The following C15orf40 variants were observed in gnomAD, a reference collection of about 807,000 sequenced individuals.
The protein encoded by C15orf40 is chromosome 15 open reading frame 40, also known as UPF0235 protein C15orf40.
A neutral mutation model predicts 13.9 loss-of-function variants in C15orf40; 9 were observed. That is an observed-to-expected ratio of 0.65 (90% confidence interval 0.39 to 1.13). The LOEUF (loss-of-function observed/expected upper bound fraction) is 1.13. Ranked by LOEUF, C15orf40 falls within the 50% of genes most tolerant of loss-of-function variation. The probability of loss-of-function intolerance (pLI) is 0.01; values close to 1 mark genes in which losing one functional copy is unlikely to be tolerated. For synonymous variants in C15orf40, 95 were observed against 69.2 expected, an observed-to-expected ratio of 1.37 and a Z score of -1.85; for missense variants, 225 against 188.5, an observed-to-expected ratio of 1.19 and a Z score of -1.13.
chr15:82,989,682 C>T (rs1286507166), downstream of C15orf40, among the ~76,000 whole-genome samples: 1 of 152,036 alleles, frequency 6.6e-6, no homozygotes, highest in Non-Finnish European at 1.5e-5. Context: ...GTAAAGTGTA[C>T]CTAGTATAAT....
In C15orf40 at chr15:82,998,025, T is replaced by G. The variant is rs1596401548; in HGVS notation, c.*7572A>C. 8.6e-6 allele frequency: 1 copy of G among 116,412 alleles called. No homozygotes were observed. Among genetic ancestry groups the G allele is most frequent in the African/African-American group, 3.4e-5 (1 of 29,754 alleles). 7.2% of individuals were successfully genotyped at this position (116,412 alleles called of 1,614,324 possible). A position where few individuals can be genotyped will look rare whatever the true frequency, so the allele number is the denominator to read the frequency against. ...CAGGCGGGGGGCTGACCCCCCCACC[T>G]CCCTCCCGGACGGGGCGGCTGACCC... On this transcript the variant is annotated 3_prime_UTR_variant, in exon 4 of 4. Coordinates refer to ENST00000304177, the MANE Select transcript of C15orf40 (RefSeq NM_144597.3).
At chr15:82,990,931 T>C (rs1301698278), downstream of C15orf40, 2 of 316,756 alleles carry the variant, frequency 6.3e-6, no homozygotes, top group African/African-American at 4.2e-5. Context: ...CTGCTTTCTC[T>C]CCTATAAATA....
chr15:82,990,223 G>A (rs1446531747), downstream of C15orf40: 4 of 316,196 alleles, frequency 1.3e-5, no homozygotes, highest in Non-Finnish European at 2.1e-5. Context: ...TCTTACTTGC[G>A]AAATGCGATG....
chr15:83,008,455 G>T (rs758938273), intron 3 of C15orf40, 93 bp downstream of exon 3: 48 of 1,309,280 alleles, frequency 3.7e-5, no homozygotes, highest in Non-Finnish European at 5.1e-5. Flanking sequence ...GGAGGTGGAG[G>T]TTGCAGTGAG....
In C15orf40 at chr15:82,997,114, CCTT is replaced by C. The variant is rs1355808352; in HGVS notation, c.*8480_*8482del. On this transcript the variant is annotated 3_prime_UTR_variant, in exon 4 of 4. Coordinates refer to ENST00000304177, the MANE Select transcript of C15orf40 (RefSeq NM_144597.3). Reference sequence around the variant, plus strand: ...TCTTTATTCACTGTTCTCTATCTTGCCTTCTAAATTTCATACCGTTTTCAGCCT... The same window carrying C: ...TCTTTATTCACTGTTCTCTATCTTGCCTAAATTTCATACCGTTTTCAGCCT... 2.0e-5 allele frequency: 3 copies of C among 149,992 alleles called. No individual in the cohort carries two copies. Among genetic ancestry groups the C allele is most frequent in the Non-Finnish European group, 3.0e-5 (2 of 67,576 alleles). 9.3% of individuals were successfully genotyped at this position (149,992 alleles called of 1,614,324 possible). A position where few individuals can be genotyped will look rare whatever the true frequency, so the allele number is the denominator to read the frequency against.
At chr15:82,990,913 T>C (rs1240869826), downstream of C15orf40, 3 of 365,948 alleles carry the variant, frequency 8.2e-6, no homozygotes, top group South Asian at 1.5e-4. Flanking sequence ...TCCAGATGCA[T>C]ACCTCTGCTG....
chr15:83,011,540 AGCCGAGCGGAGCCCCGAGTATTGGGTGTT>A lies in C15orf40; in HGVS notation c.39_67del (p.Thr14SerfsTer7). The A allele has an allele frequency of 6.2e-7, 1 of 1,605,980 alleles. No homozygotes were observed. Among genetic ancestry groups the A allele is most frequent in the Non-Finnish European group, 8.5e-7 (1 of 1,178,208 alleles). On this transcript the variant is annotated frameshift_variant, in exon 1 of 4. Transcript: ENST00000304177. LOFTEE classifies it high-confidence loss of function. The stretch of plus-strand genomic sequence containing the variant: ...CTTCTTAGGCATCTCGGCGCAAAGA[AGCCGAGCGGAGCCCCGAGTATTGGGTGTT>A]GCCCGAAGGTGCCTCAGCCCGCTGC...
chr15:83,001,170 A>T lies in C15orf40; in HGVS notation c.*4427T>A. ...TCTGGTTATTGCTGTCCCTCCCCTAACCGAGAGGAAAGTGTGGAATGGCTC... is the reference window on the plus strand; with the variant it reads ...TCTGGTTATTGCTGTCCCTCCCCTATCCGAGAGGAAAGTGTGGAATGGCTC... On this transcript the variant is annotated 3_prime_UTR_variant, in exon 4 of 4. Transcript: ENST00000304177. 1.0e-6 allele frequency: 1 copy of T among 985,388 alleles called. No individual in the cohort carries two copies. Among genetic ancestry groups the T allele is most frequent in the Non-Finnish European group, 1.2e-6 (1 of 829,942 alleles). 61.0% of individuals were successfully genotyped at this position (985,388 alleles called of 1,614,324 possible). A position where few individuals can be genotyped will look rare whatever the true frequency, so the allele number is the denominator to read the frequency against.
In C15orf40 at chr15:83,005,468, G is replaced by A; in HGVS notation, c.*129C>T. On this transcript the variant is annotated 3_prime_UTR_variant, in exon 4 of 4. Transcript: ENST00000304177. ...TCTGGCTAATTTTGTATTTTTCGTA[G>A]AGATGGGGTTTCACCATGTTGGTCA... 1.2e-6 allele frequency: 1 copy of A among 844,296 alleles called. No individual in the cohort carries two copies. The highest frequency in any genetic ancestry group is 1.7e-6 in the Non-Finnish European group (1 of 596,054). 52.3% of individuals were successfully genotyped at this position (844,296 alleles called of 1,614,324 possible). A position where few individuals can be genotyped will look rare whatever the true frequency, so the allele number is the denominator to read the frequency against.
In C15orf40 at chr15:83,008,690, G is replaced by A; in HGVS notation, c.239-15C>T. ...TGCTGTCAAATCTGGAATGAAAATA[G>A]TGTGGACTTTATCCTTAAGGAGTTC... On this transcript the variant is annotated splice_polypyrimidine_tract_variant and intron_variant, in intron 2 of 3. Transcript: ENST00000304177. 6.3e-7 allele frequency: 1 copy of A among 1,591,348 alleles called. No homozygotes were observed. Among genetic ancestry groups the A allele is most frequent in the East Asian group, 2.2e-5 (1 of 44,662 alleles).
In C15orf40 at chr15:83,010,323, G is replaced by C. The variant is rs756993991; in HGVS notation, c.152C>G (p.Pro51Arg). The C allele has an allele frequency of 1.2e-6, 2 of 1,614,164 alleles. No homozygotes were observed. The highest frequency in any genetic ancestry group is 8.5e-7 in the Non-Finnish European group (1 of 1,180,022). ...QSKEPERPLP[P>R]LGPVAVDPKG... is the part of the protein sequence containing the mutation. ...AGGATCAACTGCCACAGGACCTAAG[G>C]GAGGAAGTGGTCTCTCTGGTTCCTT... The change falls in exon 2 of 4, where the codon CCC becomes CGC. Residue 51 changes from proline (P) to arginine (R), a missense_variant. Coordinates refer to ENST00000304177, the MANE Select transcript of C15orf40 (RefSeq NM_144597.3).
At chr15:82,990,111 C>T (rs201913813), downstream of C15orf40, 387 of 934,886 alleles carry the variant, frequency 4.1e-4, 1 homozygote, top group African/African-American at 6.4e-3. Flanking sequence ...ACTCTGTTAC[C>T]ATGAGAAAAG....
At position 83,000,800 on chromosome 15, in the gene C15orf40, G is replaced by A. The variant is rs2031386548; in HGVS notation, c.*4797C>T. 1 of 152,260 alleles carries A rather than the reference G, an allele frequency of 6.6e-6. No homozygotes were observed. Among genetic ancestry groups the A allele is most frequent in the Admixed American group, 6.5e-5 (1 of 15,282 alleles). 9.4% of individuals were successfully genotyped at this position (152,260 alleles called of 1,614,324 possible). A position where few individuals can be genotyped will look rare whatever the true frequency, so the allele number is the denominator to read the frequency against. On this transcript the variant is annotated 3_prime_UTR_variant, in exon 4 of 4. Coordinates refer to ENST00000304177, the MANE Select transcript of C15orf40 (RefSeq NM_144597.3). ...ACAGCCCAGAGAGCTGCCTCCTAAA[G>A]TTTGAGCATTTAGGTATTTGGAACT...
In C15orf40 at chr15:83,011,108, A is replaced by T. The variant is rs183498215; in HGVS notation, c.111+389T>A. On this transcript the variant is annotated intron_variant, in intron 1 of 3. Coordinates refer to ENST00000304177, the MANE Select transcript of C15orf40 (RefSeq NM_144597.3). ...ATGGGAGTGCTGTATTCTTGACAGA[A>T]GGGGTGCGATCAGCCAAAGCAAGGG... 3 of 180,368 alleles carry T rather than the reference A, an allele frequency of 1.7e-5. No individual in the cohort carries two copies. The East Asian group carries it at 4.1e-4, about 25-fold the overall frequency. 11.2% of individuals were successfully genotyped at this position (180,368 alleles called of 1,614,324 possible). A position where few individuals can be genotyped will look rare whatever the true frequency, so the allele number is the denominator to read the frequency against.
At chr15:82,990,289 CT>C, downstream of C15orf40, 3 of 239,960 alleles carry the variant, frequency 1.3e-5, no homozygotes, top group Middle Eastern at 1.8e-3. Flanking sequence ...ACCTCAGAAT[CT>C]TCTTTGTTTC....
In C15orf40 at chr15:82,997,809, G is replaced by T. The variant is rs1396596277; in HGVS notation, c.*7788C>A. 1 of 128,004 alleles carries T rather than the reference G, an allele frequency of 7.8e-6. No homozygotes were observed. The highest frequency in any genetic ancestry group is 3.6e-5 in the African/African-American group (1 of 28,000). 7.9% of individuals were successfully genotyped at this position (128,004 alleles called of 1,614,324 possible). A position where few individuals can be genotyped will look rare whatever the true frequency, so the allele number is the denominator to read the frequency against. ...CAGAGGCGCCCCTCACCTCCCAGACGGGGCGGCTGGCAGGGCAGGGGGGCT... is the reference window on the plus strand; with the variant it reads ...CAGAGGCGCCCCTCACCTCCCAGACTGGGCGGCTGGCAGGGCAGGGGGGCT... On this transcript the variant is annotated 3_prime_UTR_variant, in exon 4 of 4. Coordinates refer to ENST00000304177, the MANE Select transcript of C15orf40 (RefSeq NM_144597.3).
At position 83,003,130 on chromosome 15, in the gene C15orf40, T is replaced by TC. The variant is rs2031493620; in HGVS notation, c.*2466_*2467insG. ...TGACCAAAAGTTGATCCTTTTTTTT[T>TC]TTTTTTTTTTTTGAGATGGAGTTTC... On this transcript the variant is annotated 3_prime_UTR_variant, in exon 4 of 4. Coordinates refer to ENST00000304177, the MANE Select transcript of C15orf40 (RefSeq NM_144597.3). 1 of 151,294 alleles carries TC rather than the reference T, an allele frequency of 6.6e-6. No homozygotes were observed. The highest frequency in any genetic ancestry group is 1.5e-5 in the Non-Finnish European group (1 of 68,592). 9.4% of individuals were successfully genotyped at this position (151,294 alleles called of 1,614,324 possible).
Position 83,001,097 on chromosome 15 carries a change from G to A in C15orf40, c.*4500C>T. ...CAAAGTGCTGGGATTACAGGCATAA[G>A]CCACTGCACTGGCCTAGGTGTGCAC... On this transcript the variant is annotated 3_prime_UTR_variant, in exon 4 of 4. Coordinates refer to ENST00000304177, the MANE Select transcript of C15orf40 (RefSeq NM_144597.3). The A allele has an allele frequency of 1.0e-6, 1 of 985,314 alleles. No individual in the cohort carries two copies. Among genetic ancestry groups the A allele is most frequent in the Non-Finnish European group, 1.2e-6 (1 of 829,788 alleles). The allele number at this position is 985,314 out of a possible 1,614,324, so 61.0% of individuals were successfully genotyped here. A position where few individuals can be genotyped will look rare whatever the true frequency, so the allele number is the denominator to read the frequency against.
chr15:83,006,343 G>A, intron 3 of C15orf40: 1 of 939,866 alleles, frequency 1.1e-6, no homozygotes, highest in Non-Finnish European at 1.3e-6. Context: ...AAACTTTGTA[G>A]TAAAATAATT....
Sources: gnomAD v4.1 joint callset for allele counts (sites outside exome capture counted in the v4.1 genomes callset) on GRCh38, gnomAD v4.1.1 for gene constraint, MANE v1.5 for transcripts, NCBI Gene and HGNC (gene_info 2026-07-23, HGNC 2026-07-21) for gene names.